AP3S2: variants seen among roughly 807,000 people sequenced by gnomAD.
The protein encoded by AP3S2 is adaptor related protein complex 3 subunit sigma 2, also known as AP-3 complex subunit sigma-2.
In AP3S2, 22 loss-of-function variants were observed where a neutral mutation model predicts 23.4. The ratio of observed to expected loss-of-function variants is 0.94; its 90% confidence interval spans 0.67 to 1.34. The LOEUF (loss-of-function observed/expected upper bound fraction) is 1.34. Ranked by LOEUF, AP3S2 falls within the 40% of genes most tolerant of loss-of-function variation. The probability of loss-of-function intolerance (pLI) is 0.00; values close to 1 mark genes in which losing one functional copy is unlikely to be tolerated. For missense variants in AP3S2, 241 were observed against 236.9 expected (o/e 1.02, Z -0.11); for synonymous variants, 86 against 87.1 (o/e 0.99, Z 0.07).
At chr15:89,853,639 G>A (rs1169898348) in intron 4 of AP3S2, among the ~76,000 whole-genome samples, 2 of 140,728 alleles carry the variant, frequency 1.4e-5, no homozygotes, top group African/African-American at 5.4e-5. Flanking sequence ...TCTCCGCCCG[G>A]CCGCCATCCC....
intron 3 of AP3S2, among the ~76,000 whole-genome samples, chr15:89,883,300 C>T (rs965940148): frequency 1.3e-5 from 2 of 152,158 alleles, no homozygotes; most frequent in African/African-American, 2.4e-5. Flanking sequence ...ACATTGATAA[C>T]TTACCTCTCT....
chr15:89,847,514 C>G (rs181339437), intron 4 of AP3S2, among the ~76,000 whole-genome samples: 1 of 151,150 alleles, frequency 6.6e-6, no homozygotes, highest in East Asian at 2.0e-4. Context: ...TCTAGAACTA[C>G]TAGGGGTGGG....
chr15:89,839,197 A>G (rs1336237443), intron 4 of AP3S2, among the ~76,000 whole-genome samples: 1 of 152,234 alleles, frequency 6.6e-6, no homozygotes, highest in African/African-American at 2.4e-5. Context: ...TGCAGAGTCA[A>G]GAAGAAAGAT....
chr15:89,892,630 C>G (rs957445053), intron 1 of AP3S2, among the ~76,000 whole-genome samples: 4 of 151,998 alleles, frequency 2.6e-5, no homozygotes, highest in Non-Finnish European at 5.9e-5. Context: ...CAAATAGTTA[C>G]GCTGAATACT....
At chr15:89,868,707 T>C (rs74431562) in intron 4 of AP3S2, among the ~76,000 whole-genome samples, 22 of 67,078 alleles carry the variant, frequency 3.3e-4, no homozygotes, top group Admixed American at 5.9e-4. Flanking sequence ...GGGTCAGCCC[T>C]CCGCCCGGCC....
chr15:89,840,826 C>T (rs1469886175), intron 4 of AP3S2, among the ~76,000 whole-genome samples: 1 of 152,188 alleles, frequency 6.6e-6, no homozygotes, highest in Non-Finnish European at 1.5e-5. Flanking sequence ...CAGAATGGTG[C>T]TGATTCCGGA....
intron 3 of AP3S2, among the ~76,000 whole-genome samples, chr15:89,887,232 C>T (rs10852124): frequency 0.46 from 69,460 of 151,988 alleles, 16,070 homozygotes; most frequent in East Asian, 0.6. Flanking sequence ...TAAGTGAATA[C>T]GACGTATGAA....
Position 89,888,627 on chromosome 15 carries a change from A to G in AP3S2, c.167T>C (p.Ile56Thr), listed in dbSNP as rs988051930. 6 of 1,613,850 alleles carry G rather than the reference A, an allele frequency of 3.7e-6. No individual in the cohort carries two copies. In the African/African-American group the frequency reaches 4.0e-5, roughly 11 times the overall value. The change falls in exon 3 of 6, where the codon ATT becomes ACT. Residue 56 changes from isoleucine (I) to threonine (T), a missense_variant. Physicochemically the swap from Ile to Thr is moderately conservative, Grantham distance 89. Coordinates refer to ENST00000336418, the MANE Select transcript of AP3S2 (RefSeq NM_005829.5). Reference protein sequence around the residue: ...ICNFLEGGSLIGGSDYKLIYR... With the variant: ...ICNFLEGGSLTGGSDYKLIYR... Reference sequence around the variant, plus strand: ...GATCAGTTTGTAGTCAGAGCCACCAATCAAACTGCAGAAGATGGGAAACAT... The same window carrying G: ...GATCAGTTTGTAGTCAGAGCCACCAGTCAAACTGCAGAAGATGGGAAACAT...
At chr15:89,885,596 CT>C (rs1896679161) in intron 3 of AP3S2, among the ~76,000 whole-genome samples, 1 of 152,054 alleles carries the variant, frequency 6.6e-6, no homozygotes, top group Non-Finnish European at 1.5e-5. Flanking sequence ...CTATTTCTGA[CT>C]TCTATCTTCT....
At chr15:89,889,380 C>T (rs112414231) in intron 1 of AP3S2, 17 of 497,474 alleles carry the variant, frequency 3.4e-5, no homozygotes, top group African/African-American at 1.7e-4. Flanking sequence ...AGTCACTAAC[C>T]ATTACTGTCC....
chr15:89,857,220 G>C (rs1311891032), intron 4 of AP3S2, among the ~76,000 whole-genome samples: 2 of 152,308 alleles, frequency 1.3e-5, no homozygotes, highest in East Asian at 3.9e-4. Context: ...GACCTCAAGT[G>C]ATCCATCCAC....
intron 4 of AP3S2, among the ~76,000 whole-genome samples, chr15:89,852,106 T>C (rs1895671378): frequency 6.6e-6 from 1 of 152,150 alleles, no homozygotes; most frequent in Non-Finnish European, 1.5e-5. Context: ...TGAATGTGGC[T>C]CTATCACTTA....
intron 4 of AP3S2, chr15:89,865,459 C>A (rs1359660059): frequency 6.6e-6 from 1 of 152,120 alleles, no homozygotes; most frequent in Non-Finnish European, 1.5e-5. Context: ...AGAATATAAA[C>A]CTTTGGTGAG....
chr15:89,838,536 G>C (rs1596185254), intron 4 of AP3S2, among the ~76,000 whole-genome samples: 1 of 152,306 alleles, frequency 6.6e-6, no homozygotes, highest in Non-Finnish European at 1.5e-5. Context: ...GTCACAGAAA[G>C]CCCTGGGTGG....
chr15:89,880,291 G>T (rs1225546014), intron 3 of AP3S2, among the ~76,000 whole-genome samples: 1 of 152,012 alleles, frequency 6.6e-6, no homozygotes, highest in African/African-American at 2.4e-5. Flanking sequence ...AATTATTCAA[G>T]AATACATATG....
intron 1 of AP3S2, among the ~76,000 whole-genome samples, chr15:89,892,111 G>A (rs1355837732): frequency 6.6e-6 from 1 of 152,168 alleles, no homozygotes; most frequent in African/African-American, 2.4e-5. Context: ...TATACTACAT[G>A]AAACATGGCA....
chr15:89,878,264 C>T, intron 3 of AP3S2: 1 of 656,736 alleles, frequency 1.5e-6, no homozygotes, highest in Non-Finnish European at 2.7e-6. Context: ...TATTTTCATA[C>T]CTTGGGAGCT....
At position 89,835,604 on chromosome 15, in the gene AP3S2, C is replaced by T; in HGVS notation, c.493G>A (p.Val165Met). The change falls in exon 6 of 6, where the codon GTG becomes ATG. Residue 165 changes from valine to methionine, a missense_variant. Coordinates refer to ENST00000336418, the MANE Select transcript of AP3S2 (RefSeq NM_005829.5). ...SAAPARAVSA[V>M]KNINLPEIPR... ...ATCTCTGGCAGGTTGATGTTTTTCA[C>T]AGCAGACACAGCCCGCGCAGGGGCT... 1 of 1,611,128 alleles carries T rather than the reference C, an allele frequency of 6.2e-7. No homozygotes were observed. The highest frequency in any genetic ancestry group is 8.5e-7 in the Non-Finnish European group (1 of 1,179,560).
rs931064444 is a variant in AP3S2, at chr15:89,833,687, A to T, written c.*1828T>A. 6.6e-6 allele frequency: 1 copy of T among 152,240 alleles called. No individual in the cohort carries two copies. The highest frequency in any genetic ancestry group is 1.5e-5 in the Non-Finnish European group (1 of 68,044). 9.4% of individuals were successfully genotyped at this position (152,240 alleles called of 1,614,324 possible). On this transcript the variant is annotated 3_prime_UTR_variant, in exon 6 of 6. Transcript: ENST00000336418. ...CAAAAGAATGACATCAGGGGTTTTG[A>T]TATCTATTCACCTACACTTCCCTCT...
Sources: gnomAD v4.1 joint callset for allele counts (sites outside exome capture counted in the v4.1 genomes callset) on GRCh38, gnomAD v4.1.1 for gene constraint, MANE v1.5 for transcripts, NCBI Gene and HGNC (gene_info 2026-07-23, HGNC 2026-07-21) for gene names.